SGCZ: variants seen among roughly 807,000 people sequenced by gnomAD.
SGCZ encodes the protein sarcoglycan zeta.
In SGCZ, 40 loss-of-function variants were observed where a neutral mutation model predicts 41.3. That is an observed-to-expected ratio of 0.97 (90% CI 0.75 to 1.26). The LOEUF (loss-of-function observed/expected upper bound fraction) is 1.26, where lower values mean the gene tolerates loss of function less well. Ranked by LOEUF, SGCZ falls within the 50% of genes most tolerant of loss-of-function variation. The pLI is 0.00. For synonymous variants in SGCZ, 206 were observed against 137.5 expected (o/e 1.50, Z -3.49); for missense variants, 552 against 369.8 (o/e 1.49, Z -4.04).
chr8:15,038,970 G>C (rs1159204138), intron 1 of SGCZ, among the ~76,000 whole-genome samples: 1 of 151,886 alleles, frequency 6.6e-6, no homozygotes, highest in East Asian at 1.9e-4. Flanking sequence ...TTACTAAAAG[G>C]GCAAAAGATA....
intron 1 of SGCZ, among the ~76,000 whole-genome samples, chr8:15,185,613 C>T (rs1800309085): frequency 6.6e-6 from 1 of 152,136 alleles, no homozygotes; most frequent in Non-Finnish European, 1.5e-5. Flanking sequence ...AGAAGAGAAA[C>T]AGGGCTACCA....
chr8:14,405,531 A>G (rs887056445), intron 2 of SGCZ, among the ~76,000 whole-genome samples: 2 of 152,164 alleles, frequency 1.3e-5, no homozygotes, highest in African/African-American at 4.8e-5. Flanking sequence ...AGGCAGACCA[A>G]TTTGCATTTA....
intron 1 of SGCZ, among the ~76,000 whole-genome samples, chr8:14,775,511 G>T (rs867881255): frequency 1.5e-4 from 22 of 150,026 alleles, no homozygotes; most frequent in Admixed American, 8.0e-4. Flanking sequence ...ACACAGGGGG[G>T]AATAGAGATC....
chr8:14,186,929 G>A (rs888997581), intron 4 of SGCZ, among the ~76,000 whole-genome samples: 1 of 152,108 alleles, frequency 6.6e-6, no homozygotes, highest in Non-Finnish European at 1.5e-5. Context: ...ACTATTCCTG[G>A]AAAAAAGTTG....
At chr8:14,571,982 T>C (rs1002205169) in intron 1 of SGCZ, among the ~76,000 whole-genome samples, 2 of 152,176 alleles carry the variant, frequency 1.3e-5, no homozygotes, top group Admixed American at 1.3e-4. Context: ...ATAATAACAA[T>C]TATCTGATTG....
At chr8:14,109,805 A>G (rs1380749467) in intron 5 of SGCZ, among the ~76,000 whole-genome samples, 1 of 152,154 alleles carries the variant, frequency 6.6e-6, no homozygotes, top group Non-Finnish European at 1.5e-5. Context: ...TTCAAAGACT[A>G]TATGATTTCA....
At chr8:14,804,063 C>G (rs1460370723) in intron 1 of SGCZ, among the ~76,000 whole-genome samples, 1 of 118,544 alleles carries the variant, frequency 8.4e-6, no homozygotes, top group Non-Finnish European at 1.6e-5. Context: ...GACATCCACA[C>G]CGAAAACCCA....
At chr8:14,897,182 A>G (rs1469318105) in intron 1 of SGCZ, among the ~76,000 whole-genome samples, 145 of 152,118 alleles carry the variant, frequency 9.5e-4, no homozygotes, top group Non-Finnish European at 5.9e-5. Context: ...AAATGAGAGA[A>G]TCATGTAAAG....
At position 14,088,976 on chromosome 8, in the gene SGCZ, CAT is replaced by C. The variant is rs1334944806; in HGVS notation, c.*1465_*1466del. Among the ~76,000 whole-genome samples the C allele has an allele frequency of 6.6e-6, 1 of 151,842 alleles. No homozygotes were observed. The highest frequency in any genetic ancestry group is 6.6e-5 in the Admixed American group (1 of 15,192). The stretch of plus-strand genomic sequence containing the variant: ...ATGAGGGAGAAAAACGTTTGATTGA[CAT>C]GTGAAAATTCAGGACTTACCTTATA... On this transcript the variant is annotated 3_prime_UTR_variant, in exon 8 of 8. Coordinates refer to ENST00000382080, the MANE Select transcript of SGCZ (RefSeq NM_139167.4).
chr8:14,709,537 A>G (rs560447936), intron 1 of SGCZ, among the ~76,000 whole-genome samples: 2 of 152,310 alleles, frequency 1.3e-5, no homozygotes, highest in South Asian at 2.1e-4. Context: ...AATTCAGTCA[A>G]TAGGTTTGCT....
intron 4 of SGCZ, among the ~76,000 whole-genome samples, chr8:14,210,404 C>A (rs1333205828): frequency 6.6e-6 from 1 of 151,886 alleles, no homozygotes; most frequent in African/African-American, 2.4e-5. Flanking sequence ...TTCCCAAACC[C>A]TTGGAATTAC....
intron 1 of SGCZ, among the ~76,000 whole-genome samples, chr8:15,206,545 G>A (rs1323836039): frequency 7.3e-5 from 11 of 151,636 alleles, no homozygotes; most frequent in Admixed American, 7.2e-4. Context: ...TGCCTCCTGG[G>A]TTCAAGCAAT....
At chr8:15,029,033 A>C (rs1472663768) in intron 1 of SGCZ, among the ~76,000 whole-genome samples, 1 of 152,136 alleles carries the variant, frequency 6.6e-6, no homozygotes. Flanking sequence ...TACCTGTTAC[A>C]ACATCAATGC....
chr8:15,152,993 G>C (rs1799225856), intron 1 of SGCZ, among the ~76,000 whole-genome samples: 1 of 152,190 alleles, frequency 6.6e-6, no homozygotes. Flanking sequence ...AAAGAAATCA[G>C]AGGTTATTAT....
At chr8:14,318,984 GA>G (rs1211171918) in intron 3 of SGCZ, among the ~76,000 whole-genome samples, 2 of 150,872 alleles carry the variant, frequency 1.3e-5, no homozygotes, top group Non-Finnish European at 1.5e-5. Context: ...AAACTTATTT[GA>G]AAAAAAATAA....
chr8:14,376,905 T>A (rs1804152424), intron 2 of SGCZ, among the ~76,000 whole-genome samples: 2 of 152,130 alleles, frequency 1.3e-5, no homozygotes, highest in Admixed American at 6.5e-5. Context: ...TATACCACAG[T>A]GTGATAATAA....
At chr8:14,427,950 T>A (rs1799832804) in intron 2 of SGCZ, among the ~76,000 whole-genome samples, 1 of 152,014 alleles carries the variant, frequency 6.6e-6, no homozygotes, top group African/African-American at 2.4e-5. Flanking sequence ...TTATAAGTAA[T>A]CTAGAAATGA....
intron 1 of SGCZ, among the ~76,000 whole-genome samples, chr8:14,658,168 A>G (rs2117474723): frequency 6.6e-6 from 1 of 152,270 alleles, no homozygotes; most frequent in African/African-American, 2.4e-5. Flanking sequence ...TCATTCTTTC[A>G]ATTCCTCAAG....
chr8:15,211,733 A>G (rs1585678987), intron 1 of SGCZ, among the ~76,000 whole-genome samples: 1 of 152,132 alleles, frequency 6.6e-6, no homozygotes, highest in Non-Finnish European at 1.5e-5. Context: ...CAATATTCTT[A>G]TATCTTCAAC....
Sources: allele counts gnomAD v4.1 joint callset (sites outside exome capture counted in the v4.1 genomes callset), GRCh38; gene constraint gnomAD v4.1.1; transcripts MANE v1.5; gene names NCBI Gene and HGNC (gene_info 2026-07-23, HGNC 2026-07-21).